ADCY2: variants seen among roughly 807,000 people sequenced by gnomAD.
ADCY2 encodes adenylate cyclase type 2.
ADCY2 carries 31 observed loss-of-function variants against 125.2 expected under a neutral mutation model. The ratio of observed to expected loss-of-function variants is 0.25; its 90% CI spans 0.19 to 0.33. ADCY2 has a LOEUF of 0.33. Ranked by LOEUF, ADCY2 falls within the 10% of genes least tolerant of loss-of-function variation. The pLI is 1.00. For synonymous variants in ADCY2, 512 were observed against 548.4 expected, an observed-to-expected ratio of 0.93 and a Z score of 0.93; for missense variants, 904 against 1,418.2, an observed-to-expected ratio of 0.64 and a Z score of 5.82.
intron 2 of ADCY2, among the ~76,000 whole-genome samples, chr5:7,488,267 A>T (rs550246774): frequency 2.6e-5 from 4 of 151,996 alleles, no homozygotes; most frequent in Admixed American, 6.6e-5. Flanking sequence ...CATGTAAGAC[A>T]CCCGTTTGCT....
intron 2 of ADCY2, among the ~76,000 whole-genome samples, chr5:7,448,099 C>G (rs1283120920): frequency 6.6e-6 from 1 of 152,168 alleles, no homozygotes; most frequent in Non-Finnish European, 1.5e-5. Flanking sequence ...ACCCTGTGTG[C>G]TGTCTGGGGA....
At chr5:7,482,709 G>A (rs1742776199) in intron 2 of ADCY2, among the ~76,000 whole-genome samples, 1 of 148,532 alleles carries the variant, frequency 6.7e-6, no homozygotes, top group Admixed American at 6.9e-5. Flanking sequence ...ATTCCTAATA[G>A]CCATGATATG....
At chr5:7,619,835 G>T (rs909309772) in intron 3 of ADCY2, among the ~76,000 whole-genome samples, 1 of 152,144 alleles carries the variant, frequency 6.6e-6, no homozygotes, top group Non-Finnish European at 1.5e-5. Flanking sequence ...CTTTTCTCTG[G>T]TTCTAAACTA....
intron 3 of ADCY2, among the ~76,000 whole-genome samples, chr5:7,591,161 C>A (rs1314642826): frequency 6.6e-6 from 1 of 152,108 alleles, no homozygotes; most frequent in Admixed American, 6.5e-5. Flanking sequence ...CTAAAGCGTG[C>A]AGTTTACATT....
At chr5:7,667,152 G>A (rs976230224) in intron 4 of ADCY2, among the ~76,000 whole-genome samples, 1 of 152,140 alleles carries the variant, frequency 6.6e-6, no homozygotes. Context: ...GCTGTCAGAA[G>A]GGGAGAGGAT....
At chr5:7,753,272 T>A (rs1416041648) in intron 15 of ADCY2, among the ~76,000 whole-genome samples, 1 of 152,220 alleles carries the variant, frequency 6.6e-6, no homozygotes, top group Non-Finnish European at 1.5e-5. Flanking sequence ...TGTTAATGGA[T>A]GAATGTGATA....
Position 7,829,432 on chromosome 5 carries a change from T to C in ADCY2, c.*2561T>C, listed in dbSNP as rs1745579492. On this transcript the variant is annotated 3_prime_UTR_variant, in exon 25 of 25. Coordinates refer to ENST00000338316, the MANE Select transcript of ADCY2 (RefSeq NM_020546.3). ...TTCCTTGAATCTGAAAGAGCATTATTCCTGGTCAAAGCTCCTTAAAGTTCT... is the reference window on the plus strand; with the variant it reads ...TTCCTTGAATCTGAAAGAGCATTATCCCTGGTCAAAGCTCCTTAAAGTTCT... The C allele has an allele frequency of 6.5e-6, 1 of 152,688 alleles. No individual in the cohort carries two copies. Among genetic ancestry groups the C allele is most frequent in the South Asian group, 2.1e-4 (1 of 4,820 alleles). The allele number at this position is 152,688 out of a possible 1,614,324, so 9.5% of individuals were successfully genotyped here. A position where few individuals can be genotyped will look rare whatever the true frequency, so the allele number is the denominator to read the frequency against.
intron 2 of ADCY2, among the ~76,000 whole-genome samples, chr5:7,490,752 A>G (rs1044702780): frequency 1.3e-5 from 2 of 152,146 alleles, no homozygotes; most frequent in African/African-American, 2.4e-5. Context: ...TCTTAAATCT[A>G]CTTGGTTTAA....
intron 4 of ADCY2, among the ~76,000 whole-genome samples, chr5:7,690,350 C>T (rs1023473054): frequency 1.1e-4 from 17 of 152,170 alleles, no homozygotes; most frequent in African/African-American, 3.9e-4. Context: ...CTATCTTAGA[C>T]TGACCAGTGA....
intron 3 of ADCY2, among the ~76,000 whole-genome samples, chr5:7,599,751 G>T (rs76680860): frequency 0.016 from 2,428 of 152,218 alleles, 59 homozygotes; most frequent in African/African-American, 0.055. Flanking sequence ...CAGAAGAGTC[G>T]CAAGGAATCA....
chr5:7,609,489 A>G (rs923023183), intron 3 of ADCY2, among the ~76,000 whole-genome samples: 11 of 152,236 alleles, frequency 7.2e-5, no homozygotes, highest in Non-Finnish European at 1.3e-4. Context: ...GATATTTCCA[A>G]TTCTTATGTA....
intron 4 of ADCY2, among the ~76,000 whole-genome samples, chr5:7,662,992 TAC>T (rs1436869288): frequency 1.4e-5 from 1 of 69,856 alleles, no homozygotes; most frequent in Non-Finnish European, 3.3e-5. Context: ...GTGAAATTCA[TAC>T]ATTCATTTTG....
intron 3 of ADCY2, among the ~76,000 whole-genome samples, chr5:7,583,949 T>C (rs964071019): frequency 6.6e-6 from 1 of 152,016 alleles, no homozygotes; most frequent in African/African-American, 2.4e-5. Flanking sequence ...CGAAAACATA[T>C]GCTAAATGAA....
At chr5:7,415,288 T>C (rs1426874457) in intron 2 of ADCY2, among the ~76,000 whole-genome samples, 1 of 152,188 alleles carries the variant, frequency 6.6e-6, no homozygotes, top group African/African-American at 2.4e-5. Flanking sequence ...GCTTTTGAAA[T>C]AGCTGTCTTT....
chr5:7,757,758 C>T (rs1461593515), intron 16 of ADCY2, among the ~76,000 whole-genome samples, 172 bp downstream of exon 16: 3 of 152,154 alleles, frequency 2.0e-5, no homozygotes, highest in Non-Finnish European at 4.4e-5. Context: ...GCAGGGCGTT[C>T]TTCCCTTCTG....
intron 4 of ADCY2, chr5:7,658,207 A>C (rs1445568102): frequency 6.6e-6 from 1 of 152,262 alleles, no homozygotes; most frequent in African/African-American, 2.4e-5. Flanking sequence ...TGGGTGGAGA[A>C]TATCCCTACC....
chr5:7,431,809 A>G (rs921496492), intron 2 of ADCY2, among the ~76,000 whole-genome samples: 2 of 152,208 alleles, frequency 1.3e-5, no homozygotes, highest in African/African-American at 4.8e-5. Flanking sequence ...GTTGGCAAAT[A>G]CATGAAAACA....
chr5:7,457,358 T>C (rs1013201972), intron 2 of ADCY2, among the ~76,000 whole-genome samples: 4 of 152,102 alleles, frequency 2.6e-5, no homozygotes, highest in Non-Finnish European at 5.9e-5. Context: ...AGCTGCTATT[T>C]AGTTGGGTGC....
At chr5:7,796,117 CA>C (rs1744412348) in intron 20 of ADCY2, 1 of 152,190 alleles carries the variant, frequency 6.6e-6, no homozygotes. Flanking sequence ...TGCCTGGGAT[CA>C]GCTTATACCT....
Sources: allele counts gnomAD v4.1 joint callset (sites outside exome capture counted in the v4.1 genomes callset), GRCh38; gene constraint gnomAD v4.1.1; transcripts MANE v1.5; gene names NCBI Gene and HGNC (gene_info 2026-07-23, HGNC 2026-07-21).